Variants in CEP68 observed in about 807,000 individuals in gnomAD.
The protein encoded by CEP68 is centrosomal protein of 68 kDa.
CEP68 carries 26 observed loss-of-function variants against 55.3 expected under a neutral mutation model. The ratio of observed to expected loss-of-function variants is 0.47; its 90% CI spans 0.34 to 0.65. The LOEUF (loss-of-function observed/expected upper bound fraction) is 0.65. CEP68 is among the 30% of genes least tolerant of loss of function. CEP68 has a pLI of 0.01. For missense variants in CEP68, 957 were observed against 946.7 expected (o/e 1.01, Z -0.14); for synonymous variants, 402 against 383.2 (o/e 1.05, Z -0.57).
chr2:65,072,716 C>G lies in CEP68; in HGVS notation c.1620C>G (p.Pro540=), dbSNP rs781381670. Residue 540 remains proline (P), a synonymous_variant, in exon 3 of 7, where the codon CCC becomes CCG. Transcript: ENST00000377990. ...CAAGCTCCAGCCAAAGCCAGCTTCC[C>G]CCTGGAGCTGCCCTCCAAGGATCTG... ...FPSSSSQSQL[P]PGAALQGSGD... is the part of the protein sequence containing the mutation. 1.9e-6 allele frequency: 3 copies of G among 1,614,150 alleles called. No individual in the cohort carries two copies. The South Asian group carries it at 3.3e-5, about 18-fold the overall frequency.
Position 65,072,378 on chromosome 2 carries a change from G to A in CEP68, c.1282G>A (p.Gly428Ser), listed in dbSNP as rs1652142164. ...GGGTGCGAAGGACCGGCTGACTATA[G>A]GCAAGCACCTTGATATGGGCTCTCC... Reference protein sequence around the residue: ...LRGAKDRLTIGKHLDMGSPQL... With the variant: ...LRGAKDRLTISKHLDMGSPQL... The change falls in exon 3 of 7, where the codon GGC (glycine) becomes AGC (serine). Residue 428 changes from glycine to serine, a missense_variant. Coordinates refer to ENST00000377990, the MANE Select transcript of CEP68 (RefSeq NM_015147.3). The A allele has an allele frequency of 6.2e-7, 1 of 1,613,910 alleles. No individual in the cohort carries two copies. Among genetic ancestry groups the A allele is most frequent in the Non-Finnish European group, 8.5e-7 (1 of 1,180,026 alleles).
At position 65,086,025 on chromosome 2, in the gene CEP68, AT is replaced by A. The variant is rs1431914509; in HGVS notation, c.*2392del. 6.6e-6 allele frequency: 1 copy of A among 152,210 alleles called. No homozygotes were observed. The highest frequency in any genetic ancestry group is 1.5e-5 in the Non-Finnish European group (1 of 68,048). 9.4% of individuals were successfully genotyped at this position (152,210 alleles called of 1,614,324 possible). ...TCAAAGCTGGATCAGCAGTTTCAAGATCTGGGTTCTTGGAGATCCATAGGTA... is the reference window on the plus strand; with the variant it reads ...TCAAAGCTGGATCAGCAGTTTCAAGACTGGGTTCTTGGAGATCCATAGGTA... On this transcript the variant is annotated 3_prime_UTR_variant, in exon 7 of 7. Coordinates refer to ENST00000377990, the MANE Select transcript of CEP68 (RefSeq NM_015147.3).
At chr2:65,063,783 G>A (rs1419821149) in intron 1 of CEP68, among the ~76,000 whole-genome samples, 5 of 152,102 alleles carry the variant, frequency 3.3e-5, no homozygotes, top group African/African-American at 9.7e-5. Context: ...TGTTTTCTTC[G>A]GCATGATTGC....
intron 1 of CEP68, among the ~76,000 whole-genome samples, chr2:65,058,395 C>T (rs566234576): frequency 3.7e-4 from 55 of 150,416 alleles, no homozygotes; most frequent in Non-Finnish European, 7.0e-4. Flanking sequence ...GTAGAGATGA[C>T]GTCTCTCTAT....
At chr2:65,074,149 G>C in intron 3 of CEP68, 133 bp from the exon 4 acceptor site, 1 of 1,038,654 alleles carries the variant, frequency 9.6e-7, no homozygotes, top group East Asian at 2.5e-5. Flanking sequence ...AGTCGGGACA[G>C]GTGAGCAAGG....
At chr2:65,061,764 A>G (rs34113653) in intron 1 of CEP68, among the ~76,000 whole-genome samples, 2,534 of 152,300 alleles carry the variant, frequency 0.017, 27 homozygotes, top group Middle Eastern at 0.027. Flanking sequence ...GCCACCCTGA[A>G]GCAGGCCTCA....
In CEP68 at chr2:65,082,594, A is replaced by G. The variant is rs1023389015; in HGVS notation, c.2163A>G (p.Ala721=). Residue 721 remains alanine, a synonymous_variant, in exon 6 of 7, where the codon GCA becomes GCG. Transcript: ENST00000377990. The stretch of plus-strand genomic sequence containing the variant: ...AGTCTGGTGAGCTGGAGAGCCACGC[A>G]GATCGCCTGTATGACTCTATCTTGG... ...AKQSGELESH[A]DRLYDSILAS... The G allele has an allele frequency of 1.2e-6, 2 of 1,609,348 alleles. No individual in the cohort carries two copies. Among genetic ancestry groups the G allele is most frequent in the Non-Finnish European group, 1.7e-6 (2 of 1,178,306 alleles).
At chr2:65,083,210 C>T (rs950591571) in intron 6 of CEP68, among the ~76,000 whole-genome samples, 5 of 152,194 alleles carry the variant, frequency 3.3e-5, no homozygotes, top group Non-Finnish European at 7.3e-5. Flanking sequence ...CACAAAGGGT[C>T]TCCACATATC....
chr2:65,074,775 T>C (rs75377657), intron 4 of CEP68: 189 of 197,796 alleles, frequency 9.6e-4, no homozygotes, highest in Middle Eastern at 8.3e-3. Flanking sequence ...CCCCCCCCCC[T>C]CAAAAAAAAG....
At chr2:65,080,590 G>A in intron 5 of CEP68, 1 of 960,686 alleles carries the variant, frequency 1.0e-6, no homozygotes, top group South Asian at 4.8e-5. Context: ...AGGCCAAGCG[G>A]GCAGATCACC....
At position 65,083,660 on chromosome 2, in the gene CEP68, C is replaced by G. The variant is rs1404287050; in HGVS notation, c.*26C>G. 1 of 152,224 alleles carries G rather than the reference C, an allele frequency of 6.6e-6. No homozygotes were observed. Among genetic ancestry groups the G allele is most frequent in the Non-Finnish European group, 1.5e-5 (1 of 68,046 alleles). 9.4% of individuals were successfully genotyped at this position (152,224 alleles called of 1,614,324 possible). A position where few individuals can be genotyped will look rare whatever the true frequency, so the allele number is the denominator to read the frequency against. Reference sequence around the variant, plus strand: ...TCAGGCATCTTCTCAGGCAGAGGTGCAACCTGTCGGCCAAACACTGGCTAG... The same window carrying G: ...TCAGGCATCTTCTCAGGCAGAGGTGGAACCTGTCGGCCAAACACTGGCTAG... On this transcript the variant is annotated 3_prime_UTR_variant, in exon 7 of 7. Coordinates refer to ENST00000377990, the MANE Select transcript of CEP68 (RefSeq NM_015147.3).
At chr2:65,073,203 C>T in intron 3 of CEP68, 1 of 610,080 alleles carries the variant, frequency 1.6e-6, no homozygotes, top group Non-Finnish European at 3.0e-6. Context: ...GGTAACGTGC[C>T]CACTTATAAT....
At chr2:65,073,775 G>T (rs1026972052) in intron 3 of CEP68, 2 of 162,046 alleles carry the variant, frequency 1.2e-5, no homozygotes, top group Non-Finnish European at 2.7e-5. Context: ...ACCTTCCCAG[G>T]AGGTGACGTG....
chr2:65,081,062 T>C (rs2103801175), intron 5 of CEP68, among the ~76,000 whole-genome samples: 1 of 151,782 alleles, frequency 6.6e-6, no homozygotes, highest in East Asian at 1.9e-4. Context: ...AATACAAATA[T>C]TAGCCGGGCG....
rs552255446 is a variant in CEP68 at position 65,071,549 on chromosome 2, C to T, written c.453C>T (p.Thr151=). 8.1e-6 allele frequency: 13 copies of T among 1,614,132 alleles called. No individual in the cohort carries two copies. The highest frequency in any genetic ancestry group is 2.2e-5 in the East Asian group (1 of 44,874). Residue 151 remains threonine (T), a synonymous_variant, in exon 3 of 7, where the codon ACC becomes ACT. Coordinates refer to ENST00000377990, the MANE Select transcript of CEP68 (RefSeq NM_015147.3). ...TTICSGHDAD[T]EDDPSLADLP... ...TTTGCTCAGGACATGATGCTGATAC[C>T]GAAGATGATCCATCCCTAGCAGATT...
rs190680423 is a variant in CEP68, at chr2:65,064,916, T to G, written c.-46-4483T>G. 2.0e-5 allele frequency among the ~76,000 whole-genome samples: 3 copies of G among 152,250 alleles called. No individual in the cohort carries two copies. The East Asian group carries it at 5.8e-4, about 29-fold the overall frequency. On this transcript the variant is annotated intron_variant, in intron 1 of 6. Coordinates refer to ENST00000377990, the MANE Select transcript of CEP68 (RefSeq NM_015147.3). ...ATGAGCCACAAGGTGAGGATGTGGC[T>G]CCGTAAGATCTCTGTCTCAGCAAGA...
intron 1 of CEP68, among the ~76,000 whole-genome samples, chr2:65,056,821 C>T (rs1175820999): frequency 6.6e-6 from 1 of 152,112 alleles, no homozygotes; most frequent in Non-Finnish European, 1.5e-5. Context: ...TGGGAATGCC[C>T]GGGCGCGGCG....
chr2:65,069,103 A>C (rs981765514), intron 1 of CEP68, among the ~76,000 whole-genome samples: 6 of 152,162 alleles, frequency 3.9e-5, no homozygotes, highest in Non-Finnish European at 5.9e-5. Context: ...TGACTTAGGC[A>C]GGACCCCAGC....
intron 5 of CEP68, among the ~76,000 whole-genome samples, chr2:65,081,211 CAAAA>C (rs3052193): frequency 1.2e-4 from 17 of 142,914 alleles, no homozygotes; most frequent in Admixed American, 2.1e-4. Context: ...GACTCCATCT[CAAAA>C]AAAAAAAAAA....
Sources: gnomAD v4.1 joint callset for allele counts (sites outside exome capture counted in the v4.1 genomes callset) on GRCh38, gnomAD v4.1.1 for gene constraint, MANE v1.5 for transcripts, NCBI Gene and HGNC (gene_info 2026-07-23, HGNC 2026-07-21) for gene names.